The following CASKIN2 variants were observed in gnomAD, a reference collection of about 807,000 sequenced individuals.
CASKIN2 encodes the protein caskin-2.
A neutral mutation model predicts 107.1 loss-of-function variants in CASKIN2; 41 were observed. That is an observed-to-expected ratio of 0.38 (90% CI 0.30 to 0.50). The LOEUF (loss-of-function observed/expected upper bound fraction) is 0.50, where lower values mean the gene tolerates loss of function less well. Among genes scored for constraint, CASKIN2 ranks in the 20% least tolerant of loss-of-function variants. The pLI, the probability that CASKIN2 is intolerant of heterozygous loss-of-function variation, is 0.92. For synonymous variants in CASKIN2, 724 were observed against 705.6 expected (o/e 1.03, Z -0.41); for missense variants, 1,546 against 1,657.4 (o/e 0.93, Z 1.17).
Position 75,501,954 on chromosome 17 carries a change from C to T in CASKIN2, c.3120G>A (p.Glu1040=). Residue 1040 remains glutamate (E), a synonymous_variant, in exon 18 of 20, where the codon GAG becomes GAA. Transcript: ENST00000321617. ...CTCCTTGGGCTGGAAGGCTGCTGGG[C>T]TCGGGCTGGGGAAGGCTAGAAGCTG... ...SPPASSLPQP[E]PSSLPAQGVP... The T allele has an allele frequency of 6.2e-7, 1 of 1,605,416 alleles. No homozygotes were observed. Among genetic ancestry groups the T allele is most frequent in the Non-Finnish European group, 8.5e-7 (1 of 1,175,264 alleles).
Position 75,501,727 on chromosome 17 carries a change from G to A in CASKIN2, c.3296-37C>T, listed in dbSNP as rs201133804. On this transcript the variant is annotated intron_variant, in intron 18 of 19. Transcript: ENST00000321617. The stretch of plus-strand genomic sequence containing the variant: ...AAAAGGTTGGCTTGGGACTTGGCTG[G>A]GTCAGACACAACCCTGCCAGCAGTG... 2.5e-5 allele frequency: 38 copies of A among 1,535,678 alleles called. No homozygotes were observed. The East Asian group carries it at 3.0e-4, about 12-fold the overall frequency.
chr17:75,501,740 C>T (rs755849577), intron 18 of CASKIN2, 39 bp downstream of exon 18: 50 of 1,532,304 alleles, frequency 3.3e-5, no homozygotes, highest in Non-Finnish European at 4.0e-5. Flanking sequence ...CAGACACAAC[C>T]CTGCCAGCAG....
rs2053232001 is a variant in CASKIN2, at chr17:75,503,834, C to A, written c.1578+18G>T. 6.2e-7 allele frequency: 1 copy of A among 1,611,566 alleles called. No homozygotes were observed. The highest frequency in any genetic ancestry group is 8.5e-7 in the Non-Finnish European group (1 of 1,179,362). Reference sequence around the variant, plus strand: ...CTCCCCCGCCCGCTGGGTGCTGCTTCCCGGCTGCAGCACCCACCTCAGGTG... The same window carrying A: ...CTCCCCCGCCCGCTGGGTGCTGCTTACCGGCTGCAGCACCCACCTCAGGTG... On this transcript the variant is annotated intron_variant, in intron 15 of 19. Coordinates refer to ENST00000321617, the MANE Select transcript of CASKIN2 (RefSeq NM_020753.5).
At position 75,508,238 on chromosome 17, in the gene CASKIN2, C is replaced by T. The variant is rs769321025; in HGVS notation, c.142G>A (p.Asp48Asn). Residue 48 changes from aspartate to asparagine, a missense_variant, in exon 3 of 20, where the codon GAT becomes AAT. Physicochemically the swap from Asp to Asn is conservative, Grantham distance 23. Transcript: ENST00000321617. ...KRLNVNYQDA[D>N]GFSALHHAAL... is the part of the protein sequence containing the mutation. The stretch of plus-strand genomic sequence containing the variant: ...GGGACAGGGGCTCCCACTCACCCAT[C>T]AGCATCCTGGTAGTTCACGTTGAGC... 9.9e-6 allele frequency: 16 copies of T among 1,613,942 alleles called. No homozygotes were observed. Among genetic ancestry groups the T allele is most frequent in the Non-Finnish European group, 1.3e-5 (15 of 1,179,926 alleles).
At chr17:75,507,381 C>G (rs1297351767) in intron 4 of CASKIN2, among the ~76,000 whole-genome samples, 2 of 152,186 alleles carry the variant, frequency 1.3e-5, no homozygotes, top group African/African-American at 4.8e-5. Context: ...ACCTACTCAT[C>G]TGAATAATGG....
chr17:75,506,302 C>T lies in CASKIN2; in HGVS notation c.726+3G>A, dbSNP rs2053264731. ...CTGCGAGGGAGCAGGGGCCCATACC[C>T]ACCTCCAGAAGCAGCCGCACCACCT... On this transcript the variant is annotated splice_donor_region_variant and intron_variant, in intron 8 of 19. Coordinates refer to ENST00000321617, the MANE Select transcript of CASKIN2 (RefSeq NM_020753.5). This position sits in a 1 kb window ranked among gnomAD's most constrained non-coding sequence, Gnocchi z 4.8. The T allele has an allele frequency of 6.2e-7, 1 of 1,609,902 alleles. No individual in the cohort carries two copies. The highest frequency in any genetic ancestry group is 8.5e-7 in the Non-Finnish European group (1 of 1,178,716).
At position 75,503,464 on chromosome 17, in the gene CASKIN2, T is replaced by A. The variant is rs1567993604; in HGVS notation, c.1744A>T (p.Ser582Cys). The A allele has an allele frequency of 1.2e-6, 2 of 1,612,842 alleles. No homozygotes were observed. The highest frequency in any genetic ancestry group is 1.7e-5 in the Admixed American group (1 of 60,018). ...ACCAGCCCCATGGAGTCGTAGCCGCTGCTCACCAGCTGCTTGTGGTACTGT... is the reference window on the plus strand; with the variant it reads ...ACCAGCCCCATGGAGTCGTAGCCGCAGCTCACCAGCTGCTTGTGGTACTGT... ...LPQYHKQLVS[S>C]GYDSMGLVAD... The change falls in exon 17 of 20, where the codon AGC becomes TGC. Residue 582 changes from serine (S) to cysteine (C), a missense_variant. Around this residue, in one of 6 missense-constraint regions of CASKIN2, gnomAD observed 1,311 missense variants for 1,311.0 expected, o/e 1.00. Coordinates refer to ENST00000321617, the MANE Select transcript of CASKIN2 (RefSeq NM_020753.5).
Position 75,505,687 on chromosome 17 carries a change from G to C in CASKIN2, c.836-36C>G. The stretch of plus-strand genomic sequence containing the variant: ...GGGGTGGGGGACAGGTGTCATCTAA[G>C]GGTCCTTAGGGCATCTTCCCACCCC... On this transcript the variant is annotated intron_variant, in intron 9 of 19. Coordinates refer to ENST00000321617, the MANE Select transcript of CASKIN2 (RefSeq NM_020753.5). This position sits in a 1 kb window ranked among gnomAD's most constrained non-coding sequence, Gnocchi z 5.1. The C allele has an allele frequency of 6.3e-7, 1 of 1,590,710 alleles. No individual in the cohort carries two copies.
chr17:75,504,047 G>A (rs757276850), intron 14 of CASKIN2, 85 bp from the exon 15 acceptor site: 33 of 1,304,004 alleles, frequency 2.5e-5, no homozygotes, highest in Admixed American at 4.0e-5. Flanking sequence ...CTGCCTGAGC[G>A]GGGCTTCAGT....
chr17:75,505,405 T>G lies in CASKIN2; in HGVS notation c.930+152A>C. ...AATTTTGTCATCTGTAAAGAAGAAA[T>G]GCTAACAGCACTGCCTTCCCTGGCT... is the stretch of plus-strand genomic sequence containing the variant. On this transcript the variant is annotated intron_variant, in intron 10 of 19. Transcript: ENST00000321617. This position sits in a 1 kb window ranked among gnomAD's most constrained non-coding sequence, Gnocchi z 5.1. The G allele has an allele frequency of 1.4e-6, 1 of 733,084 alleles. No homozygotes were observed. Among genetic ancestry groups the G allele is most frequent in the Admixed American group, 2.3e-5 (1 of 42,574 alleles). The allele number at this position is 733,084 out of a possible 1,614,324, so 45.4% of individuals were successfully genotyped here.
Position 75,502,567 on chromosome 17 carries a change from C to T in CASKIN2, c.2507G>A (p.Ser836Asn). ...ACTAGGACTGGTCCGGACAAGGGCA[C>T]TGCGTCCTGGCCGCCGGGTAAGGGT... ...YATLTRRPGR[S>N]ALVRTSPSVT... Residue 836 changes from serine to asparagine, a missense_variant, in exon 18 of 20, where the codon AGT (serine) becomes AAT (asparagine). Coordinates refer to ENST00000321617, the MANE Select transcript of CASKIN2 (RefSeq NM_020753.5). This position sits in a 1 kb window ranked among gnomAD's most constrained non-coding sequence, Gnocchi z 4.3. The T allele has an allele frequency of 1.3e-6, 2 of 1,579,278 alleles. No individual in the cohort carries two copies. The highest frequency in any genetic ancestry group is 2.3e-5 in the East Asian group (1 of 43,674).
In CASKIN2 at chr17:75,505,536, T is replaced by C. The variant is rs1335508134; in HGVS notation, c.930+21A>G. On this transcript the variant is annotated intron_variant, in intron 10 of 19. Coordinates refer to ENST00000321617, the MANE Select transcript of CASKIN2 (RefSeq NM_020753.5). The surrounding 1 kb of genome is among the most constrained non-coding windows in gnomAD (Gnocchi z 5.1). ...GCAATCATTTGTATTTGCAAAGGAA[T>C]GCCTGCTTGGGGTCCCTCACCGTGA... The C allele has an allele frequency of 1.9e-6, 3 of 1,610,332 alleles. No individual in the cohort carries two copies. Among genetic ancestry groups the C allele is most frequent in the African/African-American group, 2.7e-5 (2 of 74,842 alleles).
Position 75,501,983 on chromosome 17 carries a change from G to A in CASKIN2, c.3091C>T (p.Pro1031Ser), listed in dbSNP as rs746464362. 4 of 1,611,918 alleles carry A rather than the reference G, an allele frequency of 2.5e-6. No homozygotes were observed. In the African/African-American group the frequency reaches 5.3e-5, roughly 22 times the overall value. The change falls in exon 18 of 20, where the codon CCT becomes TCT. Residue 1031 changes from proline to serine, a missense_variant. Transcript: ENST00000321617. ...PLPSPTPGES[P>S]PASSLPQPEP... is the part of the protein sequence containing the mutation. ...GGCTGGGGAAGGCTAGAAGCTGGAG[G>A]AGACTCGCCAGGAGTTGGGGAAGGC...
At chr17:75,503,635 C>T (rs754475033) in intron 16 of CASKIN2, 24 bp downstream of exon 16, 5 of 1,609,450 alleles carry the variant, frequency 3.1e-6, no homozygotes, top group Non-Finnish European at 4.2e-6. Context: ...GTGCCCCACT[C>T]CCCAGCCACC....
At chr17:75,511,546 A>G (rs2053315900) in intron 2 of CASKIN2, among the ~76,000 whole-genome samples, 1 of 152,204 alleles carries the variant, frequency 6.6e-6, no homozygotes, top group Non-Finnish European at 1.5e-5. Context: ...TGAGGAAATT[A>G]TAATATTTCA....
intron 14 of CASKIN2, 76 bp downstream of exon 14, chr17:75,504,139 C>T (rs1274762339): frequency 6.9e-7 from 1 of 1,447,252 alleles, no homozygotes. Flanking sequence ...ACCTTCCCCC[C>T]CGAGGCCCAC....
intron 2 of CASKIN2, among the ~76,000 whole-genome samples, chr17:75,510,244 G>A (rs2053305522): frequency 6.6e-6 from 1 of 152,312 alleles, no homozygotes; most frequent in Non-Finnish European, 1.5e-5. Context: ...CAGGGCAACT[G>A]TACCCCTCTT....
At chr17:75,510,237 G>C (rs72851938) in intron 2 of CASKIN2, among the ~76,000 whole-genome samples, 13,893 of 152,214 alleles carry the variant, frequency 0.091, 708 homozygotes, top group African/African-American at 0.11. Context: ...GCAGGGCCAG[G>C]GCAACTGTAC....
Position 75,501,803 on chromosome 17 carries a change from C to G in CASKIN2, c.3271G>C (p.Ala1091Pro). 2 of 1,544,290 alleles carry G rather than the reference C, an allele frequency of 1.3e-6. No individual in the cohort carries two copies. The highest frequency in any genetic ancestry group is 8.7e-7 in the Non-Finnish European group (1 of 1,148,168). ...CCTGCTCCGGGCACCTTGAGGAGGG[C>G]AGCAGGGGCGGCCGGGGGTTCTGTC... Reference protein sequence around the residue: ...GETEPPAAPAALLKVPGAGTA... With the variant: ...GETEPPAAPAPLLKVPGAGTA... Residue 1091 changes from alanine (A) to proline (P), a missense_variant, in exon 18 of 20, where the codon GCC becomes CCC. Around this residue, in one of 6 missense-constraint regions of CASKIN2, gnomAD observed 1,311 missense variants for 1,311.0 expected, o/e 1.00. Transcript: ENST00000321617.
Sources: gnomAD v4.1 joint callset for allele counts (sites outside exome capture counted in the v4.1 genomes callset) on GRCh38, gnomAD v4.1.1 for gene constraint, gnomAD v4.1.1 regional missense constraint, Gnocchi (gnomAD v3.1) non-coding constraint, MANE v1.5 for transcripts, NCBI Gene and HGNC (gene_info 2026-07-23, HGNC 2026-07-21) for gene names.